The following DTD2 variants were observed in gnomAD, a reference collection of about 807,000 sequenced individuals.
The protein encoded by DTD2 is D-aminoacyl-tRNA deacylase 2, also known as D-tyrosyl-tRNA deacylase 2 (putative).
Under a neutral mutation model 15.5 loss-of-function variants are expected in DTD2, and 12 were observed. The ratio of observed to expected loss-of-function variants is 0.77; its 90% CI spans 0.50 to 1.25. The LOEUF is 1.25. Ranked by LOEUF, DTD2 falls within the 50% of genes most tolerant of loss-of-function variation. The pLI, the probability that DTD2 is intolerant of heterozygous loss-of-function variation, is 0.00. For synonymous variants in DTD2, 59 were observed against 77.3 expected (o/e 0.76, Z 1.24); for missense variants, 170 against 201.1 (o/e 0.85, Z 0.93).
In DTD2 at chr14:31,446,983, T is replaced by C. The variant is rs1052045582; in HGVS notation, c.*1146A>G. The C allele has an allele frequency of 6.6e-6, 1 of 152,088 alleles. No individual in the cohort carries two copies. Among genetic ancestry groups the C allele is most frequent in the South Asian group, 2.1e-4 (1 of 4,822 alleles). 9.4% of individuals were successfully genotyped at this position (152,088 alleles called of 1,614,324 possible). ...CATGATTTTGGTAAAAACTGAAAAA[T>C]AGACCATTAACCCATTTATATAGTA... On this transcript the variant is annotated 3_prime_UTR_variant, in exon 3 of 3. Transcript: ENST00000310850.
rs529050682 is a variant in DTD2, at chr14:31,452,593, G to A, written c.181+682C>T. 13 of 152,344 alleles carry A rather than the reference G, an allele frequency of 8.5e-5. No individual in the cohort carries two copies. The South Asian group carries it at 2.7e-3, about 32-fold the overall frequency. 9.4% of individuals were successfully genotyped at this position (152,344 alleles called of 1,614,324 possible). A position where few individuals can be genotyped will look rare whatever the true frequency, so the allele number is the denominator to read the frequency against. On this transcript the variant is annotated intron_variant, in intron 2 of 2. Transcript: ENST00000310850. ...CACAATTTAACATTGTGCTTCTTAG[G>A]ATGGGCAGGGATTGGTTAATGGATA...
chr14:31,448,179 C>A lies in DTD2; in HGVS notation c.457G>T (p.Val153Leu). The change falls in exon 3 of 3, where the codon GTG becomes TTG. Residue 153 changes from valine (V) to leucine (L), a missense_variant. Transcript: ENST00000310850. ...GGTCCGTTGGTGTCCAGCTTTAACACCTGCCTGTTCCCATAAGTGCCATGT... is the reference window on the plus strand; with the variant it reads ...GGTCCGTTGGTGTCCAGCTTTAACAACTGCCTGTTCCCATAAGTGCCATGT... ...VEHGTYGNRQ[V>L]LKLDTNGPFT... is the part of the protein sequence containing the mutation. The A allele has an allele frequency of 1.9e-6, 3 of 1,614,104 alleles. No individual in the cohort carries two copies. The African/African-American group carries it at 4.0e-5, about 22-fold the overall frequency.
intron 1 of DTD2, among the ~76,000 whole-genome samples, chr14:31,454,725 A>G (rs2032076586): frequency 6.6e-6 from 1 of 152,238 alleles, no homozygotes; most frequent in Non-Finnish European, 1.5e-5. Context: ...ATAGATGTTA[A>G]GCTGTGACTT....
chr14:31,448,378 G>T lies in DTD2; in HGVS notation c.258C>A (p.Asn86Lys). 6.2e-7 allele frequency: 1 copy of T among 1,614,184 alleles called. No individual in the cohort carries two copies. Among genetic ancestry groups the T allele is most frequent in the Non-Finnish European group, 8.5e-7 (1 of 1,180,030 alleles). ...GGGTAGCTTGAGGGATAATAAGAAT[G>T]TTGCCAGGTAGATCCAATATAGAGA... ...KHVSILDLPG[N>K]ILIIPQATLG... Residue 86 changes from asparagine to lysine, a missense_variant, in exon 3 of 3, where the codon AAC becomes AAA. Physicochemically the swap from Asn to Lys is moderately conservative, Grantham distance 94. Coordinates refer to ENST00000310850, the MANE Select transcript of DTD2 (RefSeq NM_080664.3).
Position 31,448,412 on chromosome 14 carries a change from C to T in DTD2, c.224G>A (p.Gly75Asp). ...TAGATCCAATATAGAGACATGCTTG[C>T]CATTTTCTGTCTCACTTAATTTCAC... Reference protein sequence around the residue: ...LNVKLSETENGKHVSILDLPG... With the variant: ...LNVKLSETENDKHVSILDLPG... The change falls in exon 3 of 3, where the codon GGC (glycine) becomes GAC (aspartate). Residue 75 changes from glycine to aspartate, a missense_variant. By Grantham distance (94) the Gly-to-Asp change is moderately conservative. Transcript: ENST00000310850. The T allele has an allele frequency of 6.2e-7, 1 of 1,613,542 alleles. No homozygotes were observed. The highest frequency in any genetic ancestry group is 1.1e-5 in the South Asian group (1 of 90,940).
At chr14:31,451,933 A>G (rs933052276) in intron 2 of DTD2, among the ~76,000 whole-genome samples, 1 of 152,182 alleles carries the variant, frequency 6.6e-6, no homozygotes, top group Non-Finnish European at 1.5e-5. Context: ...TTGATTTGGT[A>G]TATCTGAACC....
chr14:31,457,480 G>C lies in DTD2; in HGVS notation c.-87C>G. On this transcript the variant is annotated 5_prime_UTR_variant, in exon 1 of 3. Transcript: ENST00000310850. ...ACGCGCTGGCGGGGCAGACGAGGCG[G>C]GGCACGACGAAGGGCCTGCGCCGAT... 2.8e-6 allele frequency: 3 copies of C among 1,063,554 alleles called. No individual in the cohort carries two copies. Among genetic ancestry groups the C allele is most frequent in the Non-Finnish European group, 3.9e-6 (3 of 770,650 alleles). 65.9% of individuals were successfully genotyped at this position (1,063,554 alleles called of 1,614,324 possible).
intron 2 of DTD2, among the ~76,000 whole-genome samples, 197 bp downstream of exon 2, chr14:31,453,078 T>C (rs2032056347): frequency 6.6e-6 from 1 of 151,862 alleles, no homozygotes; most frequent in African/African-American, 2.4e-5. Context: ...GCTAGGACCA[T>C]AGGCACAGGT....
chr14:31,457,126 A>G, intron 1 of DTD2, 157 bp downstream of exon 1: 1 of 656,080 alleles, frequency 1.5e-6, no homozygotes, highest in Non-Finnish European at 2.6e-6. Context: ...AAGCGCAGCC[A>G]GGCAGGCCAC....
At chr14:31,449,728 G>A (rs1270525698) in intron 2 of DTD2, among the ~76,000 whole-genome samples, 1 of 152,166 alleles carries the variant, frequency 6.6e-6, no homozygotes, top group African/African-American at 2.4e-5. Flanking sequence ...AGTCCTGAGA[G>A]GGCAAATGGT....
At position 31,449,362 on chromosome 14, in the gene DTD2, C is replaced by T. The variant is rs79115024; in HGVS notation, c.182-908G>A. On this transcript the variant is annotated intron_variant, in intron 2 of 2. Transcript: ENST00000310850. ...AAAGGCAATATGAACATGGACTAAT[C>T]ATTGTATAAATATTACTCATGAGAG... 3.7e-3 allele frequency among the ~76,000 whole-genome samples: 567 copies of T among 152,234 alleles called. 7 individuals are homozygous for T. The highest frequency in any genetic ancestry group is 0.013 in the African/African-American group (524 of 41,532).
chr14:31,453,402 C>T, intron 1 of DTD2, 58 bp from the exon 2 acceptor site: 1 of 1,431,524 alleles, frequency 7.0e-7, no homozygotes, highest in Non-Finnish European at 9.8e-7. Flanking sequence ...AGATACAGGG[C>T]TAAATGGGTA....
intron 1 of DTD2, among the ~76,000 whole-genome samples, chr14:31,455,343 A>G (rs1015628819): frequency 3.3e-5 from 5 of 151,894 alleles, no homozygotes; most frequent in Non-Finnish European, 7.4e-5. Context: ...CAAGGTCAGG[A>G]GATCGAGACC....
chr14:31,454,046 G>C (rs1242380847), intron 1 of DTD2, among the ~76,000 whole-genome samples: 4 of 152,190 alleles, frequency 2.6e-5, no homozygotes, highest in African/African-American at 7.2e-5. Context: ...ACAGAAAAGA[G>C]ACATTTGAAT....
At position 31,447,034 on chromosome 14, in the gene DTD2, C is replaced by G. The variant is rs187145951; in HGVS notation, c.*1095G>C. 1 of 151,978 alleles carries G rather than the reference C, an allele frequency of 6.6e-6. No individual in the cohort carries two copies. Among genetic ancestry groups the G allele is most frequent in the South Asian group, 2.1e-4 (1 of 4,816 alleles). 9.4% of individuals were successfully genotyped at this position (151,978 alleles called of 1,614,324 possible). ...TGTTTAATAAAAACAACTTTTAAAC[C>G]CTTATACTTTGTTCTTATATCAAGT... is the stretch of plus-strand genomic sequence containing the variant. On this transcript the variant is annotated 3_prime_UTR_variant, in exon 3 of 3. Transcript: ENST00000310850.
Position 31,457,319 on chromosome 14 carries a change from G to A in DTD2, c.75C>T (p.Arg25=), listed in dbSNP as rs1193525595. 6.3e-7 allele frequency: 1 copy of A among 1,594,870 alleles called. No homozygotes were observed. Among genetic ancestry groups the A allele is most frequent in the Non-Finnish European group, 8.5e-7 (1 of 1,172,154 alleles). ...GGGCCGCGACGTCCCCATCGGCTGG[G>A]CGAATTTGCAGCCGGGCGTGCAGGC... ...QQCLHARLQI[R]PADGDVAAQW... is the part of the protein sequence containing the mutation. The change falls in exon 1 of 3, where the codon CGC becomes CGT. Residue 25 remains arginine (R), a synonymous_variant. Coordinates refer to ENST00000310850, the MANE Select transcript of DTD2 (RefSeq NM_080664.3).
intron 1 of DTD2, among the ~76,000 whole-genome samples, chr14:31,454,528 G>A (rs2032074377): frequency 6.6e-6 from 1 of 152,172 alleles, no homozygotes; most frequent in Admixed American, 6.6e-5. Flanking sequence ...GTTATTATAG[G>A]TATTTGCACT....
intron 1 of DTD2, among the ~76,000 whole-genome samples, chr14:31,455,074 G>C (rs2032080000): frequency 6.6e-6 from 1 of 152,124 alleles, no homozygotes; most frequent in Admixed American, 6.5e-5. Context: ...GGAGTGAAAG[G>C]GAAAGCCTTT....
At chr14:31,454,187 T>G (rs1034802411) in intron 1 of DTD2, among the ~76,000 whole-genome samples, 4 of 152,214 alleles carry the variant, frequency 2.6e-5, no homozygotes, top group African/African-American at 4.8e-5. Flanking sequence ...AGTGCCTGGT[T>G]CATAGTAAGT....
Sources: gnomAD v4.1 joint callset for allele counts (sites outside exome capture counted in the v4.1 genomes callset) on GRCh38, gnomAD v4.1.1 for gene constraint, MANE v1.5 for transcripts, NCBI Gene and HGNC (gene_info 2026-07-23, HGNC 2026-07-21) for gene names.